The following FBXW4 variants were observed in gnomAD, a reference collection of about 807,000 sequenced individuals.
FBXW4 encodes the protein F-box/WD repeat-containing protein 4.
FBXW4 carries 40 observed loss-of-function variants against 61.8 expected under a neutral mutation model. The ratio of observed to expected loss-of-function variants is 0.65; its 90% CI spans 0.50 to 0.84. FBXW4 has a LOEUF of 0.84. Ranked by LOEUF, FBXW4 falls within the 40% of genes least tolerant of loss-of-function variation. The pLI, the probability that FBXW4 is intolerant of heterozygous loss-of-function variation, is 0.00. For synonymous variants in FBXW4, 311 were observed against 313.8 expected, an observed-to-expected ratio of 0.99 and a Z score of 0.10; for missense variants, 672 against 753.8, an observed-to-expected ratio of 0.89 and a Z score of 1.27.
chr10:101,687,844 CA>C (rs1205132662), intron 1 of FBXW4, among the ~76,000 whole-genome samples: 1 of 152,166 alleles, frequency 6.6e-6, no homozygotes, highest in Non-Finnish European at 1.5e-5. Context: ...AAAAACACCC[CA>C]TCACCAGGCA....
At chr10:101,692,090 T>TC (rs2064610318) in intron 1 of FBXW4, among the ~76,000 whole-genome samples, 1 of 151,968 alleles carries the variant, frequency 6.6e-6, no homozygotes, top group African/African-American at 2.4e-5. Flanking sequence ...TACAGAATTT[T>TC]TTTTTTTGAC....
chr10:101,613,428 T>C (rs975283898), intron 6 of FBXW4, among the ~76,000 whole-genome samples: 4 of 152,308 alleles, frequency 2.6e-5, no homozygotes, highest in African/African-American at 9.6e-5. Flanking sequence ...TGCCTTAGCT[T>C]CCTTTACCCG....
intron 6 of FBXW4, among the ~76,000 whole-genome samples, chr10:101,615,538 T>C (rs1315751894): frequency 1.3e-5 from 2 of 152,032 alleles, no homozygotes; most frequent in Non-Finnish European, 2.9e-5. Context: ...GTGTGCAGGC[T>C]GCTCCTGGGA....
At chr10:101,661,957 A>C (rs1169506944) in intron 5 of FBXW4, among the ~76,000 whole-genome samples, 1 of 152,148 alleles carries the variant, frequency 6.6e-6, no homozygotes, top group Non-Finnish European at 1.5e-5. Context: ...CCAGCTGTCC[A>C]CAGCCAGCCA....
intron 5 of FBXW4, among the ~76,000 whole-genome samples, chr10:101,648,050 C>T (rs563688326): frequency 6.6e-6 from 1 of 152,294 alleles, no homozygotes; most frequent in Non-Finnish European, 1.5e-5. Flanking sequence ...ACCCAATCAT[C>T]AGGGAGGTCC....
At chr10:101,617,200 C>A (rs1177906579) in intron 6 of FBXW4, among the ~76,000 whole-genome samples, 1 of 152,130 alleles carries the variant, frequency 6.6e-6, no homozygotes. Context: ...GTTTCTTAAC[C>A]CCATTTTACA....
chr10:101,676,848 T>C (rs2064415684), intron 1 of FBXW4: 1 of 150,808 alleles, frequency 6.6e-6, no homozygotes, highest in South Asian at 2.1e-4. Flanking sequence ...TATAAAAACA[T>C]CTCTCAGACT....
chr10:101,688,488 G>A (rs976751933), intron 1 of FBXW4, among the ~76,000 whole-genome samples: 14 of 152,214 alleles, frequency 9.2e-5, no homozygotes, highest in African/African-American at 3.4e-4. Flanking sequence ...ACTCAAAATT[G>A]AGACAAGGCA....
intron 2 of FBXW4, among the ~76,000 whole-genome samples, chr10:101,673,995 G>C (rs2064384244): frequency 6.6e-6 from 1 of 152,112 alleles, no homozygotes; most frequent in Non-Finnish European, 1.5e-5. Flanking sequence ...TGGGTACGCA[G>C]AGCTTACAAA....
chr10:101,672,624 G>T (rs867296482), intron 4 of FBXW4, among the ~76,000 whole-genome samples: 8 of 152,118 alleles, frequency 5.3e-5, no homozygotes, highest in Non-Finnish European at 1.5e-5. Flanking sequence ...TTGAGGAAAC[G>T]CAACTCAGGG....
chr10:101,660,342 G>GGGGGT, intron 5 of FBXW4: 1 of 122,392 alleles, frequency 8.2e-6, no homozygotes, highest in Non-Finnish European at 1.7e-5. Flanking sequence ...GGGGGGGTGG[G>GGGGGT]TGCTGCATGT....
chr10:101,612,497 G>T lies in FBXW4; in HGVS notation c.1302-20C>A. ...TGCCCACTGGGAAGGGAAGGACGGA[G>T]TGAGAGGCTGCTCCACGTGGGTCAT... On this transcript the variant is annotated intron_variant, in intron 6 of 8. Coordinates refer to ENST00000331272, the MANE Select transcript of FBXW4 (RefSeq NM_022039.4). The T allele has an allele frequency of 6.5e-7, 1 of 1,535,922 alleles. No homozygotes were observed. Among genetic ancestry groups the T allele is most frequent in the African/African-American group, 1.4e-5 (1 of 72,898 alleles).
chr10:101,651,940 AG>A (rs1398680238), intron 5 of FBXW4, among the ~76,000 whole-genome samples: 1 of 152,108 alleles, frequency 6.6e-6, no homozygotes, highest in African/African-American at 2.4e-5. Flanking sequence ...CTAGTTATTA[AG>A]GTCACAATGT....
At chr10:101,670,664 T>C (rs1377261285) in intron 4 of FBXW4, among the ~76,000 whole-genome samples, 3 of 152,220 alleles carry the variant, frequency 2.0e-5, no homozygotes, top group Non-Finnish European at 4.4e-5. Flanking sequence ...CAGGTGCCTC[T>C]GTACCAAGCC....
intron 1 of FBXW4, among the ~76,000 whole-genome samples, chr10:101,690,464 T>TA (rs200395854): frequency 9.4e-5 from 14 of 149,280 alleles, no homozygotes; most frequent in African/African-American, 2.2e-4. Flanking sequence ...TGTGTCCCTT[T>TA]AAAAAAAAAA....
At chr10:101,635,439 T>C (rs2063993066) in intron 5 of FBXW4, among the ~76,000 whole-genome samples, 1 of 149,684 alleles carries the variant, frequency 6.7e-6, no homozygotes. Context: ...CCCGAGGCTA[T>C]GGAAAAATTG....
intron 1 of FBXW4, among the ~76,000 whole-genome samples, chr10:101,680,082 T>A (rs906045341): frequency 1.3e-5 from 2 of 152,194 alleles, no homozygotes; most frequent in Non-Finnish European, 2.9e-5. Flanking sequence ...TTTTTATGGC[T>A]GAGTAATATT....
intron 5 of FBXW4, among the ~76,000 whole-genome samples, chr10:101,665,342 G>A (rs1219721720): frequency 6.6e-6 from 1 of 152,140 alleles, no homozygotes; most frequent in African/African-American, 2.4e-5. Context: ...GTCAGGAGCT[G>A]ACAGAGTGAA....
intron 5 of FBXW4, among the ~76,000 whole-genome samples, chr10:101,634,758 T>A (rs1266638121): frequency 1.3e-5 from 2 of 148,786 alleles, no homozygotes; most frequent in African/African-American, 5.0e-5. Flanking sequence ...AGATAAACAT[T>A]TTTAAACTGT....
Sources: gnomAD v4.1 joint callset for allele counts (sites outside exome capture counted in the v4.1 genomes callset) on GRCh38, gnomAD v4.1.1 for gene constraint, MANE v1.5 for transcripts, NCBI Gene and HGNC (gene_info 2026-07-23, HGNC 2026-07-21) for gene names.